The following SYCP2L variants were observed in gnomAD, a reference collection of about 807,000 sequenced individuals.
SYCP2L encodes the protein synaptonemal complex protein 2-like.
Under a neutral mutation model 125.8 loss-of-function variants are expected in SYCP2L, and 98 were observed. The observed-to-expected ratio is 0.78, with a 90% CI of 0.66 to 0.92. The LOEUF (loss-of-function observed/expected upper bound fraction) is 0.92. Among genes scored for constraint, SYCP2L ranks in the 40% least tolerant of loss-of-function variants. The pLI is 0.00. For synonymous variants in SYCP2L, 317 were observed against 325.4 expected, an observed-to-expected ratio of 0.97 and a Z score of 0.28; for missense variants, 842 against 936.4, an observed-to-expected ratio of 0.90 and a Z score of 1.32.
chr6:10,937,088 A>G (rs2113369372), intron 21 of SYCP2L, among the ~76,000 whole-genome samples: 1 of 152,356 alleles, frequency 6.6e-6, no homozygotes, highest in Middle Eastern at 3.4e-3. Context: ...GACCAGATGA[A>G]TCTAACTAAC....
chr6:10,931,355 G>A lies in SYCP2L; in HGVS notation c.1634-85G>A, dbSNP rs181285188. The stretch of plus-strand genomic sequence containing the variant: ...GTAGGAAGTGGGAATTGCTTTTAGT[G>A]TTAGCATATTGGGAGACGGAGTAGA... On this transcript the variant is annotated intron_variant, in intron 19 of 29. Coordinates refer to ENST00000283141, the MANE Select transcript of SYCP2L (RefSeq NM_001040274.3). 3,547 of 1,337,702 alleles carry A rather than the reference G, an allele frequency of 2.7e-3. 8 individuals are homozygous for A. Among genetic ancestry groups the A allele is most frequent in the Middle Eastern group, 4.2e-3 (23 of 5,470 alleles). 82.9% of individuals were successfully genotyped at this position (1,337,702 alleles called of 1,614,324 possible).
chr6:10,953,992 A>G (rs975950495), intron 23 of SYCP2L, among the ~76,000 whole-genome samples: 1 of 152,178 alleles, frequency 6.6e-6, no homozygotes, highest in Non-Finnish European at 1.5e-5. Context: ...AAGGAACTAC[A>G]AGGAGACCAG....
chr6:10,927,032 T>C (rs914038069), intron 16 of SYCP2L, among the ~76,000 whole-genome samples: 2 of 152,134 alleles, frequency 1.3e-5, no homozygotes. Flanking sequence ...CTGCCCATTT[T>C]GGCCTCCCAA....
intron 29 of SYCP2L, among the ~76,000 whole-genome samples, chr6:10,973,163 G>C (rs1308107533): frequency 6.6e-6 from 1 of 152,188 alleles, no homozygotes; most frequent in Non-Finnish European, 1.5e-5. Context: ...ATGTGCCCTG[G>C]AGTTTGGGTG....
chr6:10,904,410 G>C (rs772961268), intron 8 of SYCP2L, among the ~76,000 whole-genome samples: 30 of 152,160 alleles, frequency 2.0e-4, no homozygotes, highest in Non-Finnish European at 2.6e-4. Flanking sequence ...CACAGTGTAG[G>C]GCCTGAAATG....
chr6:10,903,778 AAAAT>A (rs1294886212), intron 8 of SYCP2L, among the ~76,000 whole-genome samples: 4 of 151,998 alleles, frequency 2.6e-5, no homozygotes, highest in African/African-American at 7.2e-5. Context: ...TAAAAATAAA[AAAAT>A]AAAAAAGACA....
chr6:10,906,072 T>C lies in SYCP2L; in HGVS notation c.676+18T>C. 1 of 1,538,616 alleles carries C rather than the reference T, an allele frequency of 6.5e-7. No individual in the cohort carries two copies. Among genetic ancestry groups the C allele is most frequent in the Non-Finnish European group, 9.0e-7 (1 of 1,113,230 alleles). ...TGTGGGTGGTAAGAAATTTTAGAAT[T>C]TTCAGTATTAGAATATTAAATATTG... On this transcript the variant is annotated intron_variant, in intron 9 of 29. Transcript: ENST00000283141.
intron 14 of SYCP2L, among the ~76,000 whole-genome samples, chr6:10,921,390 A>G (rs1323496967): frequency 6.6e-6 from 1 of 152,218 alleles, no homozygotes; most frequent in Non-Finnish European, 1.5e-5. Flanking sequence ...CTTTAGGCAT[A>G]TACCCAGTAA....
chr6:10,909,353 C>G (rs974257906), intron 10 of SYCP2L, among the ~76,000 whole-genome samples: 3 of 152,058 alleles, frequency 2.0e-5, no homozygotes, highest in African/African-American at 7.2e-5. Flanking sequence ...GTCTCCAATT[C>G]CCAACCTCAG....
chr6:10,906,038 A>G lies in SYCP2L; in HGVS notation c.660A>G (p.Thr220=). 6.3e-7 allele frequency: 1 copy of G among 1,599,960 alleles called. No individual in the cohort carries two copies. Among genetic ancestry groups the G allele is most frequent in the Non-Finnish European group, 8.6e-7 (1 of 1,168,894 alleles). The change falls in exon 9 of 30, where the codon ACA becomes ACG. Residue 220 remains threonine (T), a synonymous_variant. Coordinates refer to ENST00000283141, the MANE Select transcript of SYCP2L (RefSeq NM_001040274.3). ...MCHLMKDLAR[T]LLTVGDYDQQ... is the part of the protein sequence containing the mutation. The stretch of plus-strand genomic sequence containing the variant: ...GTTTCAGGAAAGACCTTGCAAGGAC[A>G]CTCTTGACTGTGGGTGGTAAGAAAT...
chr6:10,906,580 G>C (rs1188240066), intron 9 of SYCP2L, among the ~76,000 whole-genome samples: 2 of 151,264 alleles, frequency 1.3e-5, no homozygotes. Context: ...GTTATTTTGG[G>C]ATTTTATTTT....
chr6:10,930,248 AAG>A, intron 18 of SYCP2L, 120 bp from the exon 19 acceptor site: 1 of 987,226 alleles, frequency 1.0e-6, no homozygotes, highest in Non-Finnish European at 1.5e-6. Context: ...TATATTATAT[AAG>A]AGAGCCCAGT....
At position 10,974,286 on chromosome 6, in the gene SYCP2L, A is replaced by G. The variant is rs1581850164; in HGVS notation, c.*372A>G. 1 of 152,188 alleles carries G rather than the reference A, an allele frequency of 6.6e-6. No individual in the cohort carries two copies. The highest frequency in any genetic ancestry group is 1.9e-4 in the East Asian group (1 of 5,202). The allele number at this position is 152,188 out of a possible 1,614,324, so 9.4% of individuals were successfully genotyped here. A position where few individuals can be genotyped will look rare whatever the true frequency, so the allele number is the denominator to read the frequency against. ...TGTCTTCAAGTTTTGTGTGAATAAA[A>G]CACTTTAGCAGCATCTGTATAAATA... On this transcript the variant is annotated 3_prime_UTR_variant, in exon 30 of 30. Transcript: ENST00000283141.
At chr6:10,925,854 CAT>C (rs937789531) in intron 15 of SYCP2L, among the ~76,000 whole-genome samples, 78 of 152,272 alleles carry the variant, frequency 5.1e-4, no homozygotes, top group African/African-American at 1.8e-3. Context: ...ACATCGAAAT[CAT>C]ATGTCTTTCC....
chr6:10,923,931 G>A (rs370239515), intron 14 of SYCP2L, among the ~76,000 whole-genome samples: 3 of 152,078 alleles, frequency 2.0e-5, no homozygotes, highest in African/African-American at 4.8e-5. Flanking sequence ...TGATCCACCC[G>A]CCTCGGCCTC....
At chr6:10,898,187 A>T in intron 5 of SYCP2L, 72 bp downstream of exon 5, 1 of 1,161,362 alleles carries the variant, frequency 8.6e-7, no homozygotes, top group Non-Finnish European at 1.3e-6. Context: ...GTTATTTATA[A>T]AACATGGTTT....
intron 21 of SYCP2L, among the ~76,000 whole-genome samples, chr6:10,937,717 AATGAAAAAGGAG>A (rs1781126072): frequency 6.6e-6 from 1 of 152,176 alleles, no homozygotes; most frequent in African/African-American, 2.4e-5. Context: ...AAAAACTGTT[AATGAAAAAGGAG>A]ACACTACAAC....
chr6:10,955,578 G>A (rs1487637505), intron 24 of SYCP2L, among the ~76,000 whole-genome samples: 1 of 152,212 alleles, frequency 6.6e-6, no homozygotes, highest in African/African-American at 2.4e-5. Flanking sequence ...ATGTCTGCAT[G>A]TTTGAGGCTG....
intron 14 of SYCP2L, among the ~76,000 whole-genome samples, chr6:10,920,497 G>T (rs1038006104): frequency 6.6e-6 from 1 of 152,216 alleles, no homozygotes; most frequent in African/African-American, 2.4e-5. Flanking sequence ...GATTACAGGC[G>T]TGAGACACCG....
Sources: gnomAD v4.1 joint callset for allele counts (sites outside exome capture counted in the v4.1 genomes callset) on GRCh38, gnomAD v4.1.1 for gene constraint, MANE v1.5 for transcripts, NCBI Gene and HGNC (gene_info 2026-07-23, HGNC 2026-07-21) for gene names.